FSD1L: variants seen among roughly 807,000 people sequenced by gnomAD.
The protein encoded by FSD1L is FSD1-like protein.
FSD1L carries 45 observed loss-of-function variants against 71.6 expected under a neutral mutation model. That is an observed-to-expected ratio of 0.63 (90% confidence interval 0.49 to 0.81). The LOEUF is 0.81. Ranked by LOEUF, FSD1L falls within the 30% of genes least tolerant of loss-of-function variation. The pLI, the probability that FSD1L is intolerant of heterozygous loss-of-function variation, is 0.00. For missense variants in FSD1L, 561 were observed against 618.1 expected (o/e 0.91, Z 0.98); for synonymous variants, 197 against 207.2 (o/e 0.95, Z 0.42).
In FSD1L at chr9:105,458,423, G is replaced by C. The variant is rs150822607; in HGVS notation, c.16-3097G>C. 8.4e-3 allele frequency among the ~76,000 whole-genome samples: 1,281 copies of C among 152,260 alleles called. 13 individuals carry two copies. Among genetic ancestry groups the C allele is most frequent in the Non-Finnish European group, 0.011 (724 of 68,020 alleles). On this transcript the variant is annotated intron_variant, in intron 1 of 13. Transcript: ENST00000481272. ...TCCTGAGTTCTTGTCCTGCGTCCAG[G>C]AAGAATGAGGTTGCATGGACAACTG... is the stretch of plus-strand genomic sequence containing the variant.
intron 10 of FSD1L, chr9:105,530,678 T>A: frequency 1.7e-6 from 1 of 591,106 alleles, no homozygotes; most frequent in South Asian, 2.1e-5. Context: ...CAGCAGACAC[T>A]CTGACCACCA....
At position 105,537,043 on chromosome 9, in the gene FSD1L, G is replaced by A. The variant is rs185493669; in HGVS notation, c.1378+1725G>A. Among the ~76,000 whole-genome samples the A allele has an allele frequency of 1.7e-4, 26 of 152,068 alleles. No homozygotes were observed. In the East Asian group the frequency reaches 2.9e-3, roughly 17 times the overall value. On this transcript the variant is annotated intron_variant, in intron 12 of 13. Transcript: ENST00000481272. ...TTAATAGATTTGGCCCAAATTTCCC[G>A]TCTTAAAATTATCTAAAAATTTACT... is the stretch of plus-strand genomic sequence containing the variant.
chr9:105,459,037 A>G (rs1030672301), intron 1 of FSD1L, among the ~76,000 whole-genome samples: 9 of 152,166 alleles, frequency 5.9e-5, no homozygotes, highest in Non-Finnish European at 1.0e-4. Context: ...TGCCTACCAT[A>G]TCTAGAAAAC....
In FSD1L at chr9:105,547,812, G is replaced by C. The variant is rs1346111567; in HGVS notation, c.*1329G>C. 2 of 151,974 alleles carry C rather than the reference G, an allele frequency of 1.3e-5. No homozygotes were observed. Among genetic ancestry groups the C allele is most frequent in the Non-Finnish European group, 2.9e-5 (2 of 67,920 alleles). 9.4% of individuals were successfully genotyped at this position (151,974 alleles called of 1,614,324 possible). A position where few individuals can be genotyped will look rare whatever the true frequency, so the allele number is the denominator to read the frequency against. On this transcript the variant is annotated 3_prime_UTR_variant, in exon 14 of 14. Coordinates refer to ENST00000481272, the MANE Select transcript of FSD1L (RefSeq NM_001145313.3). ...TTCTTTGGGCATTTTTAAGAGGTCT[G>C]AATTTGTATTTTTCTTCATTTTTGA...
chr9:105,460,207 A>G (rs1830599871), intron 1 of FSD1L, among the ~76,000 whole-genome samples: 1 of 152,212 alleles, frequency 6.6e-6, no homozygotes. Flanking sequence ...AAGTATGGCT[A>G]TTAATACATC....
At chr9:105,520,543 G>C in intron 10 of FSD1L, 2 of 1,239,420 alleles carry the variant, frequency 1.6e-6, no homozygotes, top group Non-Finnish European at 2.4e-6. Flanking sequence ...ACTTCTTCCA[G>C]AAAGAATTCA....
chr9:105,537,148 T>C (rs759466402), intron 12 of FSD1L, among the ~76,000 whole-genome samples: 19 of 152,230 alleles, frequency 1.2e-4, no homozygotes, highest in Non-Finnish European at 2.2e-4. Flanking sequence ...TCATCTAATG[T>C]ATAATAATTT....
chr9:105,448,059 A>G lies in FSD1L; in HGVS notation c.-162A>G, dbSNP rs1198443675. 7.9e-6 allele frequency: 6 copies of G among 762,454 alleles called. No homozygotes were observed. Among genetic ancestry groups the G allele is most frequent in the Non-Finnish European group, 1.1e-5 (5 of 455,560 alleles). 47.2% of individuals were successfully genotyped at this position (762,454 alleles called of 1,614,324 possible). ...CTTTCACCCTGGCAACCGCGGCGTG[A>G]CTACGGCGCGCGCGGTCTGGGCGCG... On this transcript the variant is annotated 5_prime_UTR_variant, in exon 1 of 14. Coordinates refer to ENST00000481272, the MANE Select transcript of FSD1L (RefSeq NM_001145313.3).
intron 1 of FSD1L, among the ~76,000 whole-genome samples, chr9:105,456,445 C>T (rs1280590468): frequency 6.6e-6 from 1 of 152,178 alleles, no homozygotes. Context: ...CCAAAGTGCT[C>T]TTTTGCTCAG....
chr9:105,490,599 G>A (rs1449109454), intron 7 of FSD1L, among the ~76,000 whole-genome samples: 1 of 145,546 alleles, frequency 6.9e-6, no homozygotes, highest in African/African-American at 2.6e-5. Context: ...GTCCTGAATG[G>A]TAATGCCTAG....
At chr9:105,473,062 TG>T (rs1254399017) in intron 5 of FSD1L, 3 of 152,194 alleles carry the variant, frequency 2.0e-5, no homozygotes, top group Non-Finnish European at 4.4e-5. Context: ...CCCAGCACTA[TG>T]GGAAGCCAAG....
At chr9:105,457,303 A>G (rs991478438) in intron 1 of FSD1L, among the ~76,000 whole-genome samples, 1 of 152,326 alleles carries the variant, frequency 6.6e-6, no homozygotes, top group East Asian at 1.9e-4. Context: ...GGGGAGATGA[A>G]GCAGGTGAGG....
At chr9:105,516,990 T>C (rs1834767262) in intron 10 of FSD1L, among the ~76,000 whole-genome samples, 1 of 152,172 alleles carries the variant, frequency 6.6e-6, no homozygotes, top group South Asian at 2.1e-4. Flanking sequence ...AATGACCCGA[T>C]GGAGCTGAAA....
At chr9:105,457,680 A>G (rs182378574) in intron 1 of FSD1L, among the ~76,000 whole-genome samples, 165 of 152,270 alleles carry the variant, frequency 1.1e-3, no homozygotes, top group African/African-American at 3.8e-3. Context: ...TGTTCTGCCC[A>G]CTTGGCCTGG....
intron 10 of FSD1L, chr9:105,523,028 C>T (rs1835280963): frequency 3.1e-6 from 5 of 1,614,104 alleles, no homozygotes; most frequent in Non-Finnish European, 4.2e-6. Context: ...AAAAATTTGA[C>T]AATTTTGGCT....
chr9:105,458,465 G>A (rs1411378274), intron 1 of FSD1L, among the ~76,000 whole-genome samples: 1 of 152,214 alleles, frequency 6.6e-6, no homozygotes, highest in African/African-American at 2.4e-5. Context: ...GAGCAAGGCA[G>A]TGGAGAGTTT....
intron 7 of FSD1L, 79 bp downstream of exon 7, chr9:105,484,581 T>G (rs1419834644): frequency 1.1e-6 from 1 of 899,632 alleles, no homozygotes; most frequent in Non-Finnish European, 1.5e-6. Flanking sequence ...GAACATTGGT[T>G]TGTAAATATT....
intron 10 of FSD1L, among the ~76,000 whole-genome samples, chr9:105,527,401 G>T (rs1194062912): frequency 6.6e-6 from 1 of 152,132 alleles, no homozygotes; most frequent in Non-Finnish European, 1.5e-5. Flanking sequence ...AAAGAAAAAG[G>T]AACCTAACCC....
At chr9:105,463,431 G>A (rs1415502795) in intron 2 of FSD1L, among the ~76,000 whole-genome samples, 1 of 152,184 alleles carries the variant, frequency 6.6e-6, no homozygotes, top group Non-Finnish European at 1.5e-5. Context: ...ACTGCAACTA[G>A]ACTTGTGCTG....
Sources: gnomAD v4.1 joint callset for allele counts (sites outside exome capture counted in the v4.1 genomes callset) on GRCh38, gnomAD v4.1.1 for gene constraint, MANE v1.5 for transcripts, NCBI Gene and HGNC (gene_info 2026-07-23, HGNC 2026-07-21) for gene names.